Variants in ITPRID2 observed in about 807,000 individuals in gnomAD.
The protein encoded by ITPRID2 is ITPR interacting domain containing 2.
In ITPRID2, 60 loss-of-function variants were observed where a neutral mutation model predicts 124.3. The observed-to-expected ratio is 0.48, with a 90% CI of 0.39 to 0.60. The LOEUF is 0.60. Among genes scored for constraint, ITPRID2 ranks in the 20% least tolerant of loss-of-function variants. The pLI is 0.00. For missense variants in ITPRID2, 1,553 were observed against 1,512.2 expected, an observed-to-expected ratio of 1.03 and a Z score of -0.45; for synonymous variants, 521 against 542.9, an observed-to-expected ratio of 0.96 and a Z score of 0.56.
chr2:181,892,040 T>C lies in ITPRID2; in HGVS notation c.-27T>C. 2 of 1,546,084 alleles carry C rather than the reference T, an allele frequency of 1.3e-6. No individual in the cohort carries two copies. The highest frequency in any genetic ancestry group is 1.7e-6 in the Non-Finnish European group (2 of 1,145,614). The stretch of plus-strand genomic sequence containing the variant: ...CGCCTTGTCTCGCGCAGGGTCCGGC[T>C]GGGGTAGCGGAGCCCCCAGTGCGGC... On this transcript the variant is annotated 5_prime_UTR_variant, in exon 1 of 18. Transcript: ENST00000431877. This position sits in a 1 kb window ranked among gnomAD's most constrained non-coding sequence, Gnocchi z 5.2.
In ITPRID2 at chr2:181,891,840, C is replaced by T; in HGVS notation, c.-227C>T. 1 of 290,382 alleles carries T rather than the reference C, an allele frequency of 3.4e-6. No individual in the cohort carries two copies. The allele number at this position is 290,382 out of a possible 1,614,324, so 18.0% of individuals were successfully genotyped here. On this transcript the variant is annotated 5_prime_UTR_variant, in exon 1 of 18. Coordinates refer to ENST00000431877, the MANE Select transcript of ITPRID2 (RefSeq NM_001130445.3). ...CTCCCTCGGGCCACTAGCGCTCCCG[C>T]GCGCGCCCGGCCGCCTTCATGTGAA...
chr2:181,905,065 T>A lies in ITPRID2; in HGVS notation c.1413+2599T>A, dbSNP rs193267934. ...ATAACGATGTTTTTTCTTTTTTTTTTTTTTTTGAGACGGAGTCGCGCATTG... is the reference window on the plus strand; with the variant it reads ...ATAACGATGTTTTTTCTTTTTTTTTATTTTTTGAGACGGAGTCGCGCATTG... On this transcript the variant is annotated intron_variant, in intron 8 of 17. Coordinates refer to ENST00000431877, the MANE Select transcript of ITPRID2 (RefSeq NM_001130445.3). This position sits in a 1 kb window ranked among gnomAD's most constrained non-coding sequence, Gnocchi z 4.1. Among the ~76,000 whole-genome samples the A allele has an allele frequency of 1.3e-5, 2 of 151,492 alleles. No individual in the cohort carries two copies. Among genetic ancestry groups the A allele is most frequent in the African/African-American group, 4.8e-5 (2 of 41,244 alleles).
chr2:181,926,496 A>G (rs964367904), intron 16 of ITPRID2, among the ~76,000 whole-genome samples: 5 of 151,768 alleles, frequency 3.3e-5, no homozygotes, highest in Non-Finnish European at 7.4e-5. Context: ...GGTGGATCAC[A>G]AGGTCAGGAG....
intron 11 of ITPRID2, 141 bp from the exon 12 acceptor site, chr2:181,918,457 C>T: frequency 6.9e-7 from 1 of 1,456,518 alleles, no homozygotes; most frequent in Non-Finnish European, 9.0e-7. Context: ...TTTTTTCCTG[C>T]TTACAATATG....
intron 8 of ITPRID2, among the ~76,000 whole-genome samples, chr2:181,906,966 C>T (rs1197997102): frequency 1.3e-5 from 2 of 152,118 alleles, no homozygotes; most frequent in Non-Finnish European, 2.9e-5. Flanking sequence ...TTTCCTCTGA[C>T]ATTTTTTTGA....
chr2:181,915,391 C>T lies in ITPRID2; in HGVS notation c.1751C>T (p.Ala584Val). Residue 584 changes from alanine to valine, a missense_variant, in exon 11 of 18, where the codon GCA (alanine) becomes GTA (valine). Coordinates refer to ENST00000431877, the MANE Select transcript of ITPRID2 (RefSeq NM_001130445.3). The stretch of plus-strand genomic sequence containing the variant: ...CAGAAGGGACTAGAGAAGGCAGCAG[C>T]AGTTGCAGACAAAAGAAAATCAGGT... ...PLQKGLEKAA[A>V]VADKRKSGSQ... The T allele has an allele frequency of 6.2e-7, 1 of 1,614,084 alleles. No homozygotes were observed.
In ITPRID2 at chr2:181,919,905, AC is replaced by A. The variant is rs1694360860; in HGVS notation, c.3144+461del. 6.6e-6 allele frequency among the ~76,000 whole-genome samples: 1 copy of A among 152,028 alleles called. No homozygotes were observed. The highest frequency in any genetic ancestry group is 6.6e-5 in the Admixed American group (1 of 15,264). ...TTTGTTTTTAAAGGAATCAAATGATACCTGTATATTTTCATACATATATATA... is the reference window on the plus strand; with the variant it reads ...TTTGTTTTTAAAGGAATCAAATGATACTGTATATTTTCATACATATATATA... On this transcript the variant is annotated intron_variant, in intron 14 of 17. Coordinates refer to ENST00000431877, the MANE Select transcript of ITPRID2 (RefSeq NM_001130445.3). The surrounding 1 kb of genome is among the most constrained non-coding windows in gnomAD (Gnocchi z 4.2).
At position 181,913,873 on chromosome 2, in the gene ITPRID2, T is replaced by C. The variant is rs1358658820; in HGVS notation, c.1515T>C (p.His505=). 3 of 1,613,314 alleles carry C rather than the reference T, an allele frequency of 1.9e-6. No homozygotes were observed. In the East Asian group the frequency reaches 6.7e-5, roughly 36 times the overall value. ...ATCTGTTACGTACTGCAAGTCAGCATTCCGATAGCAGTGGTTTTGCTGAAG... is the reference window on the plus strand; with the variant it reads ...ATCTGTTACGTACTGCAAGTCAGCACTCCGATAGCAGTGGTTTTGCTGAAG... ...RDHLLRTASQ[H]SDSSGFAEDS... The change falls in exon 10 of 18, where the codon CAT becomes CAC. Residue 505 remains histidine (H), a synonymous_variant. Transcript: ENST00000431877.
intron 15 of ITPRID2, among the ~76,000 whole-genome samples, chr2:181,921,542 C>G (rs971107195): frequency 1.3e-5 from 2 of 151,914 alleles, no homozygotes; most frequent in African/African-American, 4.8e-5. Flanking sequence ...ACAGTTTGAT[C>G]CTGGTTCTTT....
At chr2:181,916,790 CTT>C in intron 11 of ITPRID2, 1 of 994,658 alleles carries the variant, frequency 1.0e-6, no homozygotes, top group Non-Finnish European at 1.2e-6. Flanking sequence ...TTCTTTCTCT[CTT>C]TCTCTCTGCT....
rs1384084053 is a variant in ITPRID2, at chr2:181,892,117, G to T, written c.51G>T (p.Trp17Cys). ...CGGAGGCGGAGGAGGAACTGGAGTGGCAAGTGGCGAGTCGCAGGAGGAAGG... is the reference window on the plus strand; with the variant it reads ...CGGAGGCGGAGGAGGAACTGGAGTGTCAAGTGGCGAGTCGCAGGAGGAAGG... The part of the protein sequence containing the change: ...SSAEAEEELE[W>C]QVASRRRKAW... Residue 17 changes from tryptophan to cysteine, a missense_variant, in exon 1 of 18, where the codon TGG becomes TGT. By Grantham distance (215) the Trp-to-Cys change is radical. Transcript: ENST00000431877. This position sits in a 1 kb window ranked among gnomAD's most constrained non-coding sequence, Gnocchi z 5.2. The T allele has an allele frequency of 1.9e-6, 3 of 1,558,746 alleles. No individual in the cohort carries two copies. The highest frequency in any genetic ancestry group is 2.6e-6 in the Non-Finnish European group (3 of 1,152,188).
intron 16 of ITPRID2, among the ~76,000 whole-genome samples, chr2:181,924,307 G>T (rs539395634): frequency 6.6e-6 from 1 of 152,226 alleles, no homozygotes; most frequent in South Asian, 2.1e-4. Context: ...TATTCTCTTA[G>T]TTACAATAGT....
Position 181,929,808 on chromosome 2 carries a change from T to A in ITPRID2, c.*261T>A, listed in dbSNP as rs1024126891. On this transcript the variant is annotated 3_prime_UTR_variant, in exon 18 of 18. Transcript: ENST00000431877. Reference sequence around the variant, plus strand: ...AGCCTAATATTTATTTGTATGTCAGTATTTTTCATTTGATTCCCTATTAGA... The same window carrying A: ...AGCCTAATATTTATTTGTATGTCAGAATTTTTCATTTGATTCCCTATTAGA... 2.9e-5 allele frequency: 13 copies of A among 448,818 alleles called. No individual in the cohort carries two copies. In the East Asian group the frequency reaches 4.5e-4, roughly 16 times the overall value. 27.8% of individuals were successfully genotyped at this position (448,818 alleles called of 1,614,324 possible). A position where few individuals can be genotyped will look rare whatever the true frequency, so the allele number is the denominator to read the frequency against.
chr2:181,895,179 G>C (rs761510305), intron 2 of ITPRID2, among the ~76,000 whole-genome samples: 1 of 151,832 alleles, frequency 6.6e-6, no homozygotes, highest in Non-Finnish European at 1.5e-5. Context: ...CCCATGTCTC[G>C]TGAATTTTTA....
In ITPRID2 at chr2:181,922,239, A is replaced by T. The variant is rs150993729; in HGVS notation, c.3502A>T (p.Thr1168Ser). ...TCCTTCTAGAACAGGCTCTGTGCAG[A>T]CACCTCCAGATTTGGAAAGTTCTGA... Reference protein sequence around the residue: ...TAPSRTGSVQTPPDLESSEEV... With the variant: ...TAPSRTGSVQSPPDLESSEEV... Residue 1168 changes from threonine (T) to serine (S), a missense_variant, in exon 16 of 18, where the codon ACA becomes TCA. Physicochemically the swap from Thr to Ser is moderately conservative, Grantham distance 58. Coordinates refer to ENST00000431877, the MANE Select transcript of ITPRID2 (RefSeq NM_001130445.3). 1,057 of 1,614,232 alleles carry T rather than the reference A, an allele frequency of 6.5e-4. No individual in the cohort carries two copies. Among genetic ancestry groups the T allele is most frequent in the Admixed American group, 1.4e-3 (82 of 60,032 alleles).
chr2:181,916,155 A>G lies in ITPRID2; in HGVS notation c.2515A>G (p.Met839Val), dbSNP rs148871198. ...PTCSRLAPPP[M>V]SQSTCSLHSI... is the part of the protein sequence containing the mutation. ...CTGTTCACGGCTTGCTCCACCACCAATGTCTCAGTCTACCTGTTCCCTTCA... is the reference window on the plus strand; with the variant it reads ...CTGTTCACGGCTTGCTCCACCACCAGTGTCTCAGTCTACCTGTTCCCTTCA... Residue 839 changes from methionine (M) to valine (V), a missense_variant, in exon 11 of 18, where the codon ATG becomes GTG. Transcript: ENST00000431877. The G allele has an allele frequency of 1.4e-4, 230 of 1,614,206 alleles. No individual in the cohort carries two copies. The highest frequency in any genetic ancestry group is 1.7e-4 in the Non-Finnish European group (204 of 1,180,048).
At position 181,895,430 on chromosome 2, in the gene ITPRID2, A is replaced by AAT. The variant is rs565685542; in HGVS notation, c.258-591_258-590dup. Among the ~76,000 whole-genome samples, 13 of 152,172 alleles carry AAT rather than the reference A, an allele frequency of 8.5e-5. No homozygotes were observed. The East Asian group carries it at 2.1e-3, about 25-fold the overall frequency. ...TAGTAATTTTCAAAGTTAAATGAAGAATATATATATTTTTTAGCTTAAAAA... is the reference window on the plus strand; with the variant it reads ...TAGTAATTTTCAAAGTTAAATGAAGAATATATATATATTTTTTAGCTTAAAAA... On this transcript the variant is annotated intron_variant, in intron 2 of 17. Coordinates refer to ENST00000431877, the MANE Select transcript of ITPRID2 (RefSeq NM_001130445.3).
At position 181,902,002 on chromosome 2, in the gene ITPRID2, CCTT is replaced by C. The variant is rs1440662312; in HGVS notation, c.952_954del (p.Ser318del). ...AACAGAGAAAGGAGAAAGTAGTAGT[CCTT>C]CTCCATCAGCTGAAAAAGGAAAGAT... On this transcript the variant is annotated inframe_deletion, in exon 8 of 18. Coordinates refer to ENST00000431877, the MANE Select transcript of ITPRID2 (RefSeq NM_001130445.3). This position sits in a 1 kb window ranked among gnomAD's most constrained non-coding sequence, Gnocchi z 4.4. 33 of 1,613,650 alleles carry C rather than the reference CCTT, an allele frequency of 2.0e-5. No homozygotes were observed. Among genetic ancestry groups the C allele is most frequent in the Non-Finnish European group, 2.8e-5 (33 of 1,179,880 alleles).
rs1290781644 is a variant in ITPRID2 at position 181,905,233 on chromosome 2, T to C, written c.1413+2767T>C. Among the ~76,000 whole-genome samples the C allele has an allele frequency of 6.6e-6, 1 of 151,866 alleles. No homozygotes were observed. Among genetic ancestry groups the C allele is most frequent in the Non-Finnish European group, 1.5e-5 (1 of 67,966 alleles). ...GCCAGCTAATTTTTTGTATTTTTAG[T>C]AGAGATGGGGTTTCACTACGTTGGC... On this transcript the variant is annotated intron_variant, in intron 8 of 17. Coordinates refer to ENST00000431877, the MANE Select transcript of ITPRID2 (RefSeq NM_001130445.3). This position sits in a 1 kb window ranked among gnomAD's most constrained non-coding sequence, Gnocchi z 4.1.
Sources: allele counts gnomAD v4.1 joint callset (sites outside exome capture counted in the v4.1 genomes callset), GRCh38; gene constraint gnomAD v4.1.1; non-coding constraint Gnocchi (gnomAD v3.1); transcripts MANE v1.5; gene names NCBI Gene and HGNC (gene_info 2026-07-23, HGNC 2026-07-21).